Variants in CLNK observed in about 807,000 individuals in gnomAD.
CLNK encodes cytokine dependent hematopoietic cell linker.
Under a neutral mutation model 68.6 loss-of-function variants are expected in CLNK, and 74 were observed. That is an observed-to-expected ratio of 1.08 (90% CI 0.89 to 1.31). The LOEUF is 1.31. Ranked by LOEUF, CLNK falls within the 50% of genes most tolerant of loss-of-function variation. The pLI is 0.00. For missense variants in CLNK, 553 were observed against 515.3 expected, an observed-to-expected ratio of 1.07 and a Z score of -0.71; for synonymous variants, 198 against 172.2, an observed-to-expected ratio of 1.15 and a Z score of -1.17.
At chr4:10,730,148 G>GCACCTACC in the CLNK span, among the ~76,000 whole-genome samples, 34 of 152,258 alleles carry the variant, frequency 2.2e-4, no homozygotes, top group East Asian at 6.2e-3. Context: ...GTGTTTCTGG[G>GCACCTACC]CACCTACCTG....
intron 12 of CLNK, 157 bp downstream of exon 12, chr4:10,532,099 C>A: frequency 1.4e-6 from 1 of 697,526 alleles, no homozygotes; most frequent in Non-Finnish European, 2.6e-6. Flanking sequence ...TTTACTTTGG[C>A]TTTCTTATCT....
chr4:10,503,393 C>T (rs559077586), intron 17 of CLNK, among the ~76,000 whole-genome samples: 5 of 150,716 alleles, frequency 3.3e-5, no homozygotes, highest in East Asian at 2.0e-4. Context: ...ACCCAGGAGG[C>T]GGAGGTTGCA....
At chr4:10,501,224 C>A in intron 18 of CLNK, 32 bp downstream of exon 18, 2 of 1,531,218 alleles carry the variant, frequency 1.3e-6, no homozygotes, top group Admixed American at 2.4e-5. Context: ...TGCGCTTAGC[C>A]TGGAACAGGG....
intron 2 of CLNK, chr4:10,656,493 G>A (rs1022246578): frequency 6.6e-6 from 1 of 151,990 alleles, no homozygotes; most frequent in African/African-American, 2.4e-5. Context: ...AAAAAATACA[G>A]ATTAAAATCA....
rs545363884 is a variant in CLNK, at chr4:10,589,559, A to T, written c.84-4604T>A. On this transcript the variant is annotated intron_variant, in intron 3 of 18. Coordinates refer to ENST00000226951, the MANE Select transcript of CLNK (RefSeq NM_052964.4). ...CAGCAAAACAGGGAATGGTGTTGTT[A>T]TTCCAGCTGAGCCTGCTGCTGTGAG... 1.5e-3 allele frequency among the ~76,000 whole-genome samples: 225 copies of T among 152,286 alleles called. 1 individual carries two copies. The highest frequency in any genetic ancestry group is 3.2e-3 in the African/African-American group (133 of 41,562).
intron 8 of CLNK, among the ~76,000 whole-genome samples, chr4:10,550,609 T>C (rs1161460033): frequency 6.6e-6 from 1 of 152,196 alleles, no homozygotes; most frequent in African/African-American, 2.4e-5. Context: ...AAACTGAGGA[T>C]AGTAATAAAC....
At chr4:10,516,939 C>A (rs551730716) in intron 15 of CLNK, among the ~76,000 whole-genome samples, 15 of 152,260 alleles carry the variant, frequency 9.9e-5, no homozygotes, top group Middle Eastern at 6.8e-3. Context: ...ACTGTTTGAT[C>A]ACTTACAGTT....
intron 1 of CLNK, among the ~76,000 whole-genome samples, chr4:10,673,948 T>A (rs1315347264): frequency 2.0e-5 from 3 of 152,198 alleles, no homozygotes; most frequent in Non-Finnish European, 2.9e-5. Context: ...GTGCATTCAC[T>A]TTCTGTAGCA....
At chr4:10,657,524 G>T (rs1368449612) in intron 2 of CLNK, among the ~76,000 whole-genome samples, 1 of 152,140 alleles carries the variant, frequency 6.6e-6, no homozygotes, top group African/African-American at 2.4e-5. Context: ...GACAAAGATG[G>T]TAGAGAAATA....
At chr4:10,618,036 G>A in intron 2 of CLNK, among the ~76,000 whole-genome samples, 1 of 152,092 alleles carries the variant, frequency 6.6e-6, no homozygotes, top group African/African-American at 2.4e-5. Context: ...ATCTACCAAA[G>A]AGAAATAAAA....
chr4:10,600,532 A>G (rs1315616437), intron 2 of CLNK, among the ~76,000 whole-genome samples: 2 of 152,204 alleles, frequency 1.3e-5, no homozygotes, highest in Admixed American at 1.3e-4. Flanking sequence ...ACATGCATTC[A>G]TTATGCATGT....
the CLNK span, among the ~76,000 whole-genome samples, chr4:10,706,871 T>C: frequency 6.6e-6 from 1 of 152,152 alleles, no homozygotes; most frequent in Admixed American, 6.5e-5. Flanking sequence ...CCCAGAAACT[T>C]GGAAAACTAA....
chr4:10,605,487 C>A (rs996636207), intron 2 of CLNK, among the ~76,000 whole-genome samples: 7 of 151,782 alleles, frequency 4.6e-5, no homozygotes, highest in African/African-American at 1.7e-4. Flanking sequence ...ATAAAGATAT[C>A]TAAAAATAGA....
intron 4 of CLNK, among the ~76,000 whole-genome samples, chr4:10,580,909 T>A (rs1720755468): frequency 6.6e-6 from 1 of 152,160 alleles, no homozygotes; most frequent in Non-Finnish European, 1.5e-5. Context: ...GACGTGGGTT[T>A]ACGGTGATGA....
intron 1 of CLNK, among the ~76,000 whole-genome samples, chr4:10,679,393 G>A (rs536445494): frequency 6.6e-6 from 1 of 152,272 alleles, no homozygotes; most frequent in African/African-American, 2.4e-5. Flanking sequence ...TTACATGTTA[G>A]ACCTAAAACC....
intron 15 of CLNK, among the ~76,000 whole-genome samples, chr4:10,520,110 A>G (rs1258411051): frequency 6.6e-6 from 1 of 152,024 alleles, no homozygotes; most frequent in Non-Finnish European, 1.5e-5. Context: ...TTCATGGCAC[A>G]CAGAGTGAAA....
intron 11 of CLNK, among the ~76,000 whole-genome samples, chr4:10,535,946 G>A (rs539891146): frequency 5.3e-5 from 8 of 152,154 alleles, no homozygotes; most frequent in South Asian, 2.1e-4. Context: ...TCCAAACTTC[G>A]AAGTTCTCTT....
intron 3 of CLNK, among the ~76,000 whole-genome samples, chr4:10,586,725 A>G (rs947589957): frequency 2.8e-4 from 43 of 152,234 alleles, no homozygotes; most frequent in Admixed American, 1.4e-3. Context: ...AGCTGCACCA[A>G]TTTATATTAA....
At chr4:10,663,780 CAAGGTAAGGGTATTAA>C (rs1724285648) in intron 2 of CLNK, among the ~76,000 whole-genome samples, 1 of 152,032 alleles carries the variant, frequency 6.6e-6, no homozygotes, top group Admixed American at 6.6e-5. Context: ...AGCTAATCAC[CAAGGTAAGGGTATTAA>C]AAGGTGGGGC....
Sources: allele counts gnomAD v4.1 joint callset (sites outside exome capture counted in the v4.1 genomes callset), GRCh38; gene constraint gnomAD v4.1.1; transcripts MANE v1.5; gene names NCBI Gene and HGNC (gene_info 2026-07-23, HGNC 2026-07-21).